Variants in KIAA1586 observed in about 807,000 individuals in gnomAD.
KIAA1586 encodes KIAA1586.
In KIAA1586, 5 loss-of-function variants were observed where a neutral mutation model predicts 6.1. The ratio of observed to expected loss-of-function variants is 0.82; its 90% CI spans 0.43 to 1.73. The LOEUF is 1.73. Ranked by LOEUF, KIAA1586 falls within the 40% of genes most tolerant of loss-of-function variation. The pLI is 0.02. For synonymous variants in KIAA1586, 280 were observed against 301.7 expected (o/e 0.93, Z 0.75); for missense variants, 899 against 878.2 (o/e 1.02, Z -0.30).
rs1452938273 is a variant in KIAA1586 at position 57,052,831 on chromosome 6, T to G, written c.332T>G (p.Ile111Ser). ...SKAKEPHFEY[I>S]EQPIIEEKPS... ...GCAAAGGAACCACATTTCGAGTATA[T>G]TGAACAACCAATCATTGAAGAAAAG... Residue 111 changes from isoleucine to serine, a missense_variant, in exon 4 of 4, where the codon ATT becomes AGT. Coordinates refer to ENST00000370733, the MANE Select transcript of KIAA1586 (RefSeq NM_020931.4). 6 of 1,613,550 alleles carry G rather than the reference T, an allele frequency of 3.7e-6. No individual in the cohort carries two copies. The highest frequency in any genetic ancestry group is 5.1e-6 in the Non-Finnish European group (6 of 1,179,786).
rs61736730 is a variant in KIAA1586 at position 57,052,846 on chromosome 6, T to C, written c.347T>C (p.Ile116Thr). ...TTCGAGTATATTGAACAACCAATCA[T>C]TGAAGAAAAGCCATCACTTTCATCA... is the stretch of plus-strand genomic sequence containing the variant. ...PHFEYIEQPI[I>T]EEKPSLSSKK... The change falls in exon 4 of 4, where the codon ATT (isoleucine) becomes ACT (threonine). Residue 116 changes from isoleucine to threonine, a missense_variant. Transcript: ENST00000370733. 2 of 1,613,416 alleles carry C rather than the reference T, an allele frequency of 1.2e-6. No homozygotes were observed. Among genetic ancestry groups the C allele is most frequent in the Non-Finnish European group, 1.7e-6 (2 of 1,179,726 alleles).
At chr6:57,050,097 G>GC (rs1402368009) in intron 2 of KIAA1586, among the ~76,000 whole-genome samples, 1 of 151,900 alleles carries the variant, frequency 6.6e-6, no homozygotes, top group Non-Finnish European at 1.5e-5. Context: ...TCCTGCCTCA[G>GC]CCTCCTGAGC....
At chr6:57,050,901 A>AT in intron 3 of KIAA1586, 47 bp downstream of exon 3, 1 of 1,335,616 alleles carries the variant, frequency 7.5e-7, no homozygotes, top group Non-Finnish European at 1.1e-6. Flanking sequence ...ATTAAGTGCA[A>AT]TAGTGTGTTG....
At chr6:57,051,606 C>T (rs554856227) in intron 3 of KIAA1586, among the ~76,000 whole-genome samples, 21 of 151,248 alleles carry the variant, frequency 1.4e-4, no homozygotes, top group East Asian at 9.7e-4. Context: ...AGACTAAATG[C>T]AATACAAAAA....
the KIAA1586 span, among the ~76,000 whole-genome samples, chr6:57,060,273 T>C: frequency 6.6e-6 from 1 of 152,282 alleles, no homozygotes; most frequent in African/African-American, 2.4e-5. Context: ...GTTTTAGGGA[T>C]GCTCGATTTA....
intron 2 of KIAA1586, among the ~76,000 whole-genome samples, chr6:57,050,044 A>C (rs537535946): frequency 3.5e-4 from 53 of 151,848 alleles, no homozygotes; most frequent in African/African-American, 1.2e-3. Context: ...GTTTTTCACT[A>C]TGTTGCCCAG....
chr6:57,058,575 C>T (rs1828528114), downstream of KIAA1586, among the ~76,000 whole-genome samples: 1 of 152,142 alleles, frequency 6.6e-6, no homozygotes, highest in African/African-American at 2.4e-5. Context: ...AATTTTTCTA[C>T]CCAATATCCT....
rs1489893865 is a variant in KIAA1586, at chr6:57,053,449, T to C, written c.950T>C (p.Ile317Thr). The change falls in exon 4 of 4, where the codon ATA (isoleucine) becomes ACA (threonine). Residue 317 changes from isoleucine to threonine, a missense_variant. Coordinates refer to ENST00000370733, the MANE Select transcript of KIAA1586 (RefSeq NM_020931.4). ...IIEENAKICI[I>T]IDEASTVSKK... ...GAAGAGAATGCCAAAATCTGTATCA[T>C]AATTGATGAGGCATCTACAGTTTCA... 1.2e-6 allele frequency: 2 copies of C among 1,611,694 alleles called. No homozygotes were observed. Among genetic ancestry groups the C allele is most frequent in the Non-Finnish European group, 1.7e-6 (2 of 1,178,878 alleles).
In KIAA1586 at chr6:57,050,758, C is replaced by T; in HGVS notation, c.106-16C>T. 6.3e-7 allele frequency: 1 copy of T among 1,580,728 alleles called. No individual in the cohort carries two copies. The highest frequency in any genetic ancestry group is 1.1e-5 in the South Asian group (1 of 89,634). Reference sequence around the variant, plus strand: ...TGATTGTTCATGACTTGTAAATTTGCCCACTTCCTTTTTAGGAAGGACCAT... The same window carrying T: ...TGATTGTTCATGACTTGTAAATTTGTCCACTTCCTTTTTAGGAAGGACCAT... On this transcript the variant is annotated splice_polypyrimidine_tract_variant and intron_variant, in intron 2 of 3. Coordinates refer to ENST00000370733, the MANE Select transcript of KIAA1586 (RefSeq NM_020931.4).
chr6:57,059,087 A>G (rs1700792805), downstream of KIAA1586, among the ~76,000 whole-genome samples: 2 of 152,230 alleles, frequency 1.3e-5, no homozygotes, highest in Non-Finnish European at 2.9e-5. Flanking sequence ...ATTTTATGAA[A>G]TGTATATACA....
chr6:57,057,036 A>G (rs1338095976), downstream of KIAA1586, among the ~76,000 whole-genome samples: 1 of 151,682 alleles, frequency 6.6e-6, no homozygotes, highest in Non-Finnish European at 1.5e-5. Flanking sequence ...AAACCATCCT[A>G]GCTAATATGG....
downstream of KIAA1586, among the ~76,000 whole-genome samples, chr6:57,057,760 AC>A (rs1439283491): frequency 6.6e-6 from 1 of 152,138 alleles, no homozygotes; most frequent in Non-Finnish European, 1.5e-5. Flanking sequence ...TCAAAAAAAA[AC>A]AAAAAACAAA....
chr6:57,052,989 TGTTCAGCA>T lies in KIAA1586; in HGVS notation c.495_502del (p.Val167PhefsTer23). ...AGAAGGTAAATTAGGATGTAAGGAT[TGTTCAGCA>T]GTTCGGCATTTGGGATCGAAAGCAG... On this transcript the variant is annotated frameshift_variant, in exon 4 of 4. Coordinates refer to ENST00000370733, the MANE Select transcript of KIAA1586 (RefSeq NM_020931.4). LOFTEE classifies it low-confidence loss of function (END_TRUNC). 1 of 1,613,934 alleles carries T rather than the reference TGTTCAGCA, an allele frequency of 6.2e-7. No individual in the cohort carries two copies. The highest frequency in any genetic ancestry group is 8.5e-7 in the Non-Finnish European group (1 of 1,179,902).
chr6:57,062,311 A>G, the KIAA1586 span, among the ~76,000 whole-genome samples: 8 of 152,242 alleles, frequency 5.3e-5, no homozygotes, highest in Admixed American at 5.2e-4. Context: ...GTAGAGGTAT[A>G]GAAGGGTAAT....
At chr6:57,063,888 T>A in the KIAA1586 span, among the ~76,000 whole-genome samples, 29 of 152,234 alleles carry the variant, frequency 1.9e-4, no homozygotes, top group South Asian at 1.0e-3. Flanking sequence ...GCCCTTTTTT[T>A]AAAAAAAATT....
At position 57,052,925 on chromosome 6, in the gene KIAA1586, A is replaced by G. The variant is rs140689285; in HGVS notation, c.426A>G (p.Ala142=). ...VLPDCWNEKQ[A]FMFTEQYKWL... is the part of the protein sequence containing the mutation. ...CAGATTGTTGGAATGAAAAACAAGC[A>G]TTTATGTTTACAGAACAATACAAAT... is the stretch of plus-strand genomic sequence containing the variant. The change falls in exon 4 of 4, where the codon GCA becomes GCG. Residue 142 remains alanine (A), a synonymous_variant. Coordinates refer to ENST00000370733, the MANE Select transcript of KIAA1586 (RefSeq NM_020931.4). 279 of 1,613,126 alleles carry G rather than the reference A, an allele frequency of 1.7e-4. 1 individual carries two copies. The highest frequency in any genetic ancestry group is 2.3e-4 in the Non-Finnish European group (269 of 1,179,604).
the KIAA1586 span, among the ~76,000 whole-genome samples, chr6:57,060,765 A>C: frequency 6.6e-6 from 1 of 152,176 alleles, no homozygotes; most frequent in East Asian, 1.9e-4. Context: ...TTATGAACAG[A>C]TAACCAAAAT....
Position 57,054,744 on chromosome 6 carries a change from A to G in KIAA1586, c.2245A>G (p.Thr749Ala). ...LGKELADWDATPFVKSWSNCN... is the reference protein window; with the variant it reads ...LGKELADWDAAPFVKSWSNCN... ...GAAAGAATTAGCAGATTGGGATGCAACACCGTTTGTAAAATCTTGGTCAAA... is the reference window on the plus strand; with the variant it reads ...GAAAGAATTAGCAGATTGGGATGCAGCACCGTTTGTAAAATCTTGGTCAAA... Residue 749 changes from threonine (T) to alanine (A), a missense_variant, in exon 4 of 4, where the codon ACA becomes GCA. Thr to Ala is a moderately conservative substitution (Grantham distance 58, BLOSUM62 0). Coordinates refer to ENST00000370733, the MANE Select transcript of KIAA1586 (RefSeq NM_020931.4). 1.3e-6 allele frequency: 2 copies of G among 1,551,422 alleles called. No individual in the cohort carries two copies. The highest frequency in any genetic ancestry group is 1.7e-4 in the Middle Eastern group (1 of 5,988).
Position 57,054,230 on chromosome 6 carries a change from A to G in KIAA1586, c.1731A>G (p.Gln577=), listed in dbSNP as rs750507420. ...LKIGTGKYES[Q]IEDLIKSDKF... ...TTGGTACTGGAAAGTATGAATCTCA[A>G]ATTGAAGATTTGATCAAGTCAGATA... The change falls in exon 4 of 4, where the codon CAA becomes CAG. Residue 577 remains glutamine, a synonymous_variant. Transcript: ENST00000370733. The G allele has an allele frequency of 1.3e-6, 2 of 1,594,178 alleles. No homozygotes were observed. Among genetic ancestry groups the G allele is most frequent in the Non-Finnish European group, 1.7e-6 (2 of 1,173,550 alleles).
Sources: gnomAD v4.1 joint callset for allele counts (sites outside exome capture counted in the v4.1 genomes callset) on GRCh38, gnomAD v4.1.1 for gene constraint, MANE v1.5 for transcripts, NCBI Gene and HGNC (gene_info 2026-07-23, HGNC 2026-07-21) for gene names.